MDGA2: variants seen among roughly 807,000 people sequenced by gnomAD.
The protein encoded by MDGA2 is MAM domain containing glycosylphosphatidylinositol anchor 2, also known as MAM domain-containing glycosylphosphatidylinositol anchor protein 2.
Under a neutral mutation model 117.8 loss-of-function variants are expected in MDGA2, and 40 were observed. The ratio of observed to expected loss-of-function variants is 0.34; its 90% CI spans 0.26 to 0.44. The LOEUF is 0.44. Among genes scored for constraint, MDGA2 ranks in the 20% least tolerant of loss-of-function variants. The probability of loss-of-function intolerance (pLI) is 1.00; values close to 1 mark genes in which losing one functional copy is unlikely to be tolerated. For missense variants in MDGA2, 1,123 were observed against 1,250.6 expected, an observed-to-expected ratio of 0.90 and a Z score of 1.54; for synonymous variants, 452 against 439.0, an observed-to-expected ratio of 1.03 and a Z score of -0.37.
chr14:47,500,637 C>T (rs1894380196), intron 1 of MDGA2, among the ~76,000 whole-genome samples: 1 of 151,800 alleles, frequency 6.6e-6, no homozygotes, highest in East Asian at 1.9e-4. Context: ...AGAAGGGGTT[C>T]CAATGGGTCC....
At chr14:47,259,792 T>A (rs183568481) in intron 2 of MDGA2, among the ~76,000 whole-genome samples, 109 of 151,572 alleles carry the variant, frequency 7.2e-4, no homozygotes, top group African/African-American at 2.5e-3. Flanking sequence ...TCTGAGAGAG[T>A]AGAGAGGGAC....
At chr14:47,568,920 C>T (rs1313509608) in intron 1 of MDGA2, among the ~76,000 whole-genome samples, 1 of 151,198 alleles carries the variant, frequency 6.6e-6, no homozygotes, top group African/African-American at 2.4e-5. Flanking sequence ...GTAATTTCTT[C>T]CCTCACATCT....
chr14:46,925,847 G>T (rs185261013), intron 9 of MDGA2, among the ~76,000 whole-genome samples: 19 of 152,136 alleles, frequency 1.2e-4, no homozygotes, highest in Admixed American at 5.2e-4. Flanking sequence ...GACAGAAAAG[G>T]TTGGTTCATG....
In MDGA2 at chr14:47,301,278, C is replaced by A. The variant is rs940710639; in HGVS notation, c.420+133G>T. 3.4e-6 allele frequency: 3 copies of A among 883,762 alleles called. No individual in the cohort carries two copies. In the African/African-American group the frequency reaches 6.8e-5, roughly 20 times the overall value. 54.7% of individuals were successfully genotyped at this position (883,762 alleles called of 1,614,324 possible). A position where few individuals can be genotyped will look rare whatever the true frequency, so the allele number is the denominator to read the frequency against. ...TATACTTGCACTTGAGTTACACACA[C>A]ACACACCCACACCCACCCACACACA... On this transcript the variant is annotated intron_variant, in intron 2 of 16. Transcript: ENST00000399232.
chr14:47,174,704 A>C lies in MDGA2; in HGVS notation c.596-30430T>G, dbSNP rs533411493. Among the ~76,000 whole-genome samples the C allele has an allele frequency of 1.4e-4, 22 of 152,252 alleles. No homozygotes were observed. The South Asian group carries it at 2.3e-3, about 16-fold the overall frequency. On this transcript the variant is annotated intron_variant, in intron 3 of 16. Coordinates refer to ENST00000399232, the MANE Select transcript of MDGA2 (RefSeq NM_001113498.3). ...GCCCACAAGAGAAAGCAGGAAAGAT[A>C]CAAAATTGACACCCTAACATCACAA...
intron 2 of MDGA2, among the ~76,000 whole-genome samples, chr14:47,275,332 A>G (rs1888275809): frequency 6.6e-6 from 1 of 152,190 alleles, no homozygotes. Context: ...AGATTTTCTA[A>G]TGTACGATGT....
intron 8 of MDGA2, among the ~76,000 whole-genome samples, chr14:46,995,169 A>T (rs1458926917): frequency 2.0e-5 from 3 of 152,182 alleles, no homozygotes; most frequent in Non-Finnish European, 4.4e-5. Flanking sequence ...AACAAAACAA[A>T]AATTATTTCT....
At chr14:47,493,680 A>G (rs1214969768) in intron 1 of MDGA2, among the ~76,000 whole-genome samples, 4 of 152,136 alleles carry the variant, frequency 2.6e-5, no homozygotes, top group Non-Finnish European at 4.4e-5. Flanking sequence ...AAAAGTAACT[A>G]TCGAATACTT....
chr14:47,297,949 T>C (rs1889134790), intron 2 of MDGA2, among the ~76,000 whole-genome samples: 1 of 152,160 alleles, frequency 6.6e-6, no homozygotes, highest in African/African-American at 2.4e-5. Flanking sequence ...CATGCTGACA[T>C]AATGCTTATG....
chr14:47,398,404 G>GT (rs1206342536), intron 1 of MDGA2, among the ~76,000 whole-genome samples: 1 of 152,144 alleles, frequency 6.6e-6, no homozygotes, highest in African/African-American at 2.4e-5. Flanking sequence ...GAGAGTTTAG[G>GT]TAAGTGTTTT....
At chr14:47,429,503 C>T (rs1892756821) in intron 1 of MDGA2, among the ~76,000 whole-genome samples, 2 of 152,064 alleles carry the variant, frequency 1.3e-5, no homozygotes, top group African/African-American at 4.8e-5. Flanking sequence ...TCATAGCATT[C>T]TGTTCTGGGA....
intron 9 of MDGA2, among the ~76,000 whole-genome samples, chr14:46,923,238 C>T (rs1259051156): frequency 6.6e-6 from 1 of 152,052 alleles, no homozygotes; most frequent in African/African-American, 2.4e-5. Context: ...TGCATGCTCT[C>T]ACAAAGACTT....
intron 1 of MDGA2, among the ~76,000 whole-genome samples, chr14:47,451,736 G>T (rs943308970): frequency 6.6e-6 from 1 of 152,024 alleles, no homozygotes; most frequent in African/African-American, 2.4e-5. Context: ...TTTCTGTCCT[G>T]CCCAGTGGAT....
chr14:46,939,925 A>C (rs923901650), intron 9 of MDGA2, among the ~76,000 whole-genome samples: 1 of 152,134 alleles, frequency 6.6e-6, no homozygotes, highest in African/African-American at 2.4e-5. Flanking sequence ...TGAAAGCATG[A>C]CTGAGGCTGA....
chr14:46,912,840 C>G (rs1883757056), intron 10 of MDGA2, among the ~76,000 whole-genome samples: 1 of 152,124 alleles, frequency 6.6e-6, no homozygotes. Context: ...TATATCCCTT[C>G]TCATAAACAC....
chr14:46,912,964 C>A (rs1386903465), intron 10 of MDGA2, among the ~76,000 whole-genome samples: 1 of 152,064 alleles, frequency 6.6e-6, no homozygotes, highest in Non-Finnish European at 1.5e-5. Context: ...TTTTCCAGAG[C>A]CAGAGAGACC....
At chr14:47,235,877 C>T (rs561854639) in intron 2 of MDGA2, among the ~76,000 whole-genome samples, 1 of 152,232 alleles carries the variant, frequency 6.6e-6, no homozygotes, top group African/African-American at 2.4e-5. Flanking sequence ...ATTAGCTGAC[C>T]CCAGTGGCTG....
chr14:46,950,112 T>C (rs1442092209), intron 9 of MDGA2, among the ~76,000 whole-genome samples: 1 of 151,948 alleles, frequency 6.6e-6, no homozygotes, highest in African/African-American at 2.4e-5. Flanking sequence ...GAAAAATAAC[T>C]GTTTAAAAAA....
chr14:47,290,939 T>C (rs1489615680), intron 2 of MDGA2, among the ~76,000 whole-genome samples: 2 of 152,118 alleles, frequency 1.3e-5, no homozygotes, highest in African/African-American at 4.8e-5. Flanking sequence ...GGAGCATGTA[T>C]CAACTAAAAC....
Sources: allele counts gnomAD v4.1 joint callset (sites outside exome capture counted in the v4.1 genomes callset), GRCh38; gene constraint gnomAD v4.1.1; transcripts MANE v1.5; gene names NCBI Gene and HGNC (gene_info 2026-07-23, HGNC 2026-07-21).